The following PTPN12 variants were observed in gnomAD, a reference collection of about 807,000 sequenced individuals.
PTPN12 encodes the protein tyrosine-protein phosphatase non-receptor type 12.
In PTPN12, 29 loss-of-function variants were observed where a neutral mutation model predicts 97.6. The ratio of observed to expected loss-of-function variants is 0.30; its 90% CI spans 0.22 to 0.41. The LOEUF (loss-of-function observed/expected upper bound fraction) is 0.41. Among genes scored for constraint, PTPN12 ranks in the 10% least tolerant of loss-of-function variants. PTPN12 has a pLI of 1.00. For synonymous variants in PTPN12, 327 were observed against 300.4 expected (o/e 1.09, Z -0.91); for missense variants, 819 against 926.0 (o/e 0.88, Z 1.50).
rs146136911 is a variant in PTPN12, at chr7:77,635,802, T to G, written c.2095T>G (p.Trp699Gly). The change falls in exon 15 of 18, where the codon TGG becomes GGG. Residue 699 changes from tryptophan to glycine, a missense_variant. Physicochemically the swap from Trp to Gly is radical, Grantham distance 184. Transcript: ENST00000248594. ...SEHNTPVRSE[W>G]SELQSQERSE... ...CTCAGATACACCTGTAAGATCGGAA[T>G]GGAGTGAACTTCAAAGTCAGGAACG... 180 of 1,604,356 alleles carry G rather than the reference T, an allele frequency of 1.1e-4. No individual in the cohort carries two copies. The highest frequency in any genetic ancestry group is 1.5e-4 in the Non-Finnish European group (173 of 1,176,282).
intron 11 of PTPN12, among the ~76,000 whole-genome samples, chr7:77,615,608 G>A (rs999389419): frequency 6.6e-6 from 1 of 152,142 alleles, no homozygotes; most frequent in African/African-American, 2.4e-5. Flanking sequence ...TTAATTACCT[G>A]GGTATGGTAG....
At chr7:77,619,245 C>T (rs989974117) in intron 12 of PTPN12, among the ~76,000 whole-genome samples, 21 of 152,094 alleles carry the variant, frequency 1.4e-4, no homozygotes, top group Admixed American at 1.3e-4. Flanking sequence ...CTTTCTTGCA[C>T]ATAGATCTGC....
At chr7:77,570,937 G>A (rs962727306) in intron 1 of PTPN12, 141 bp from the exon 2 acceptor site, 4 of 521,664 alleles carry the variant, frequency 7.7e-6, no homozygotes, top group South Asian at 3.0e-5. Flanking sequence ...TATCCTTGGG[G>A]TTAATTATTA....
At chr7:77,538,037 C>A (rs1481791583) in intron 1 of PTPN12, 1 of 1,007,382 alleles carries the variant, frequency 9.9e-7, no homozygotes, top group East Asian at 1.1e-4. Context: ...CCAGGAGGGT[C>A]GAGGCAAGGT....
intron 9 of PTPN12, among the ~76,000 whole-genome samples, chr7:77,608,006 C>T (rs768125865): frequency 6.6e-5 from 10 of 152,206 alleles, no homozygotes; most frequent in South Asian, 2.1e-4. Flanking sequence ...CCACTCATCT[C>T]GGCCTTCCAA....
intron 5 of PTPN12, among the ~76,000 whole-genome samples, chr7:77,590,201 C>G (rs899846419): frequency 5.9e-5 from 9 of 152,184 alleles, no homozygotes; most frequent in African/African-American, 2.2e-4. Flanking sequence ...TGATATTTAA[C>G]ACATAGTTTT....
chr7:77,630,359 T>A (rs1328747368), intron 13 of PTPN12, among the ~76,000 whole-genome samples: 5 of 152,186 alleles, frequency 3.3e-5, no homozygotes, highest in Non-Finnish European at 7.3e-5. Flanking sequence ...CAGGGATATG[T>A]TCTAAGAAAA....
chr7:77,626,933 A>T lies in PTPN12; in HGVS notation c.1254A>T (p.Lys418Asn). The T allele has an allele frequency of 6.2e-7, 1 of 1,609,550 alleles. No individual in the cohort carries two copies. The highest frequency in any genetic ancestry group is 8.5e-7 in the Non-Finnish European group (1 of 1,178,584). ...GTAAATCAACAGAACTTCCAGGGAA[A>T]AATGAATCAACAATTGAACAGATAG... ...NYSKSTELPG[K>N]NESTIEQIDK... The change falls in exon 13 of 18, where the codon AAA becomes AAT. Residue 418 changes from lysine (K) to asparagine (N), a missense_variant. Around this residue, in one of 5 missense-constraint regions of PTPN12, gnomAD observed 607 missense variants for 577.3 expected, o/e 1.05. Coordinates refer to ENST00000248594, the MANE Select transcript of PTPN12 (RefSeq NM_002835.4).
chr7:77,537,576 C>T lies in PTPN12; in HGVS notation c.30C>T (p.Phe10=). MEQVEILRK[F]IQRVQAMKSP... is the part of the protein sequence containing the mutation. ...AGCAAGTGGAGATCCTGAGGAAATT[C>T]ATCCAGAGGGTCCAGGCCATGAAGA... Residue 10 remains phenylalanine, a synonymous_variant, in exon 1 of 18, where the codon TTC becomes TTT. Transcript: ENST00000248594. The T allele has an allele frequency of 6.2e-7, 1 of 1,601,184 alleles. No homozygotes were observed. Among genetic ancestry groups the T allele is most frequent in the South Asian group, 1.1e-5 (1 of 89,174 alleles).
intron 7 of PTPN12, among the ~76,000 whole-genome samples, 189 bp from the exon 8 acceptor site, chr7:77,600,475 A>T (rs569632957): frequency 6.6e-6 from 1 of 152,290 alleles, no homozygotes; most frequent in South Asian, 2.1e-4. Flanking sequence ...AAATTGTTAC[A>T]TGTGAAGCCC....
Position 77,537,330 on chromosome 7 carries a change from C to T in PTPN12, c.-217C>T. On this transcript the variant is annotated 5_prime_UTR_variant, in exon 1 of 18. Transcript: ENST00000248594. ...CGGCTCGCCTGGTACTGTGGGAGAG[C>T]GGCGGCTGCTCCTGGAAGTTGTGGT... 6.0e-6 allele frequency: 3 copies of T among 500,722 alleles called. No homozygotes were observed. Among genetic ancestry groups the T allele is most frequent in the South Asian group, 5.4e-5 (2 of 37,320 alleles). The allele number at this position is 500,722 out of a possible 1,614,324, so 31.0% of individuals were successfully genotyped here.
At chr7:77,624,092 C>T (rs1044957896) in intron 12 of PTPN12, among the ~76,000 whole-genome samples, 3 of 151,988 alleles carry the variant, frequency 2.0e-5, no homozygotes, top group Admixed American at 6.6e-5. Flanking sequence ...CATGGCAAAA[C>T]CACATCTCTA....
rs1408636278 is a variant in PTPN12, at chr7:77,582,253, C to CCAAAGTG, written c.285+752_285+758dup. On this transcript the variant is annotated intron_variant, in intron 3 of 17. Coordinates refer to ENST00000248594, the MANE Select transcript of PTPN12 (RefSeq NM_002835.4). ...CCTGTGATCCACCCGCCTCTGCCTCCCAAAGTGCTAGGATTATAGGCGTGA... is the reference window on the plus strand; with the variant it reads ...CCTGTGATCCACCCGCCTCTGCCTCCCAAAGTGCAAAGTGCTAGGATTATAGGCGTGA... 2.6e-5 allele frequency among the ~76,000 whole-genome samples: 4 copies of CCAAAGTG among 151,796 alleles called. 1 individual carries two copies. Among genetic ancestry groups the CCAAAGTG allele is most frequent in the African/African-American group, 9.6e-5 (4 of 41,452 alleles).
intron 11 of PTPN12, among the ~76,000 whole-genome samples, chr7:77,614,177 GC>G (rs1225381285): frequency 1.3e-5 from 2 of 152,126 alleles, no homozygotes; most frequent in African/African-American, 4.8e-5. Context: ...GAGCCATTGT[GC>G]CCAGCTATTG....
intron 12 of PTPN12, among the ~76,000 whole-genome samples, chr7:77,625,762 G>T (rs2151392860): frequency 6.6e-6 from 1 of 151,268 alleles, no homozygotes; most frequent in East Asian, 2.0e-4. Context: ...TAGAGATGGG[G>T]TTTTACTGTG....
intron 5 of PTPN12, among the ~76,000 whole-genome samples, chr7:77,587,838 T>C (rs1035101068): frequency 2.6e-5 from 4 of 152,234 alleles, no homozygotes; most frequent in Admixed American, 2.0e-4. Context: ...AAATCAGAAT[T>C]TGGTGCTTCA....
intron 13 of PTPN12, among the ~76,000 whole-genome samples, chr7:77,631,047 A>G (rs1308692744): frequency 6.6e-6 from 1 of 152,162 alleles, no homozygotes; most frequent in Non-Finnish European, 1.5e-5. Context: ...TGTTTTGTTC[A>G]TTTAATTTAA....
chr7:77,575,254 C>G (rs999060641), intron 2 of PTPN12, among the ~76,000 whole-genome samples: 2 of 152,142 alleles, frequency 1.3e-5, no homozygotes, highest in African/African-American at 4.8e-5. Context: ...CTTTAGGAGG[C>G]CAAGCTGGGC....
intron 1 of PTPN12, among the ~76,000 whole-genome samples, chr7:77,569,735 C>T (rs1222687775): frequency 6.6e-6 from 1 of 152,206 alleles, no homozygotes; most frequent in African/African-American, 2.4e-5. Context: ...CGCACCACTG[C>T]ACTCCAGCCT....
Sources: gnomAD v4.1 joint callset for allele counts (sites outside exome capture counted in the v4.1 genomes callset) on GRCh38, gnomAD v4.1.1 for gene constraint, gnomAD v4.1.1 regional missense constraint, MANE v1.5 for transcripts, NCBI Gene and HGNC (gene_info 2026-07-23, HGNC 2026-07-21) for gene names.